The following CD300C variants were observed in gnomAD, a reference collection of about 807,000 sequenced individuals.
CD300C encodes CMRF35-like molecule 6.
CD300C carries 11 observed loss-of-function variants against 18.4 expected under a neutral mutation model. The ratio of observed to expected loss-of-function variants is 0.60; its 90% CI spans 0.38 to 0.99. CD300C has a LOEUF of 0.99. Ranked by LOEUF, CD300C falls within the 50% of genes least tolerant of loss-of-function variation. The pLI, the probability that CD300C is intolerant of heterozygous loss-of-function variation, is 0.01. For missense variants in CD300C, 277 were observed against 287.4 expected (o/e 0.96, Z 0.26); for synonymous variants, 116 against 116.3 (o/e 1.00, Z 0.02).
downstream of CD300C, among the ~76,000 whole-genome samples, chr17:74,536,212 C>G (rs1349394816): frequency 6.6e-6 from 1 of 151,882 alleles, no homozygotes; most frequent in African/African-American, 2.4e-5. Context: ...AAGTGAAAAT[C>G]CTGTTTCTCA....
downstream of CD300C, among the ~76,000 whole-genome samples, chr17:74,537,922 C>T (rs898886530): frequency 2.6e-5 from 4 of 152,036 alleles, no homozygotes; most frequent in African/African-American, 9.7e-5. Context: ...TAAGACCCAT[C>T]TCTATAAAAA....
chr17:74,539,424 G>A (rs1908474857), downstream of CD300C, among the ~76,000 whole-genome samples: 1 of 152,112 alleles, frequency 6.6e-6, no homozygotes, highest in Non-Finnish European at 1.5e-5. Flanking sequence ...GCAGTAGCTG[G>A]CCCTGCCACG....
intron 2 of CD300C, 125 bp from the exon 3 acceptor site, chr17:74,543,112 A>T: frequency 7.5e-6 from 10 of 1,334,688 alleles, no homozygotes; most frequent in South Asian, 2.4e-5. Context: ...CCCTGCATCC[A>T]TCATGCCCCA....
In CD300C at chr17:74,541,467, G is replaced by A. The variant is rs1908543553; in HGVS notation, c.*122C>T. 3 of 725,642 alleles carry A rather than the reference G, an allele frequency of 4.1e-6. No homozygotes were observed. Among genetic ancestry groups the A allele is most frequent in the East Asian group, 5.0e-5 (2 of 40,344 alleles). 45.0% of individuals were successfully genotyped at this position (725,642 alleles called of 1,614,324 possible). On this transcript the variant is annotated 3_prime_UTR_variant, in exon 4 of 4. Transcript: ENST00000330793. ...GATCGGGCACAGGGAAAAGGCTGAA[G>A]GAGGCTCACAAAGGATTCCAGGAGA... is the stretch of plus-strand genomic sequence containing the variant.
chr17:74,545,892 C>A lies in CD300C; in HGVS notation c.-110G>T, dbSNP rs929687167. 4 of 920,454 alleles carry A rather than the reference C, an allele frequency of 4.3e-6. No homozygotes were observed. In the Admixed American group the frequency reaches 6.1e-5, roughly 14 times the overall value. The allele number at this position is 920,454 out of a possible 1,614,324, so 57.0% of individuals were successfully genotyped here. A position where few individuals can be genotyped will look rare whatever the true frequency, so the allele number is the denominator to read the frequency against. ...GCTTCTGCTTTTCTTCTGCTCTCTG[C>A]TTCCTTGTCCAGCCCTGTCTCAGGT... On this transcript the variant is annotated 5_prime_UTR_variant, in exon 1 of 4. Transcript: ENST00000330793.
rs755828341 is a variant in CD300C, at chr17:74,544,918, C to T, written c.91G>A (p.Val31Met). 8 of 1,613,298 alleles carry T rather than the reference C, an allele frequency of 5.0e-6. No homozygotes were observed. The highest frequency in any genetic ancestry group is 3.3e-5 in the Admixed American group (2 of 59,996). ...AGGGATCCCCCCACGGGGCCCGCCA[C>T]GGTCATGGGGTGGCTCAGAGGAAAA... ...GYFPLSHPMTVAGPVGGSLSV... is the reference protein window; with the variant it reads ...GYFPLSHPMTMAGPVGGSLSV... The change falls in exon 2 of 4, where the codon GTG becomes ATG. Residue 31 changes from valine (V) to methionine (M), a missense_variant. Val to Met is a conservative substitution (Grantham distance 21). Coordinates refer to ENST00000330793, the MANE Select transcript of CD300C (RefSeq NM_006678.5).
Position 74,544,805 on chromosome 17 carries a change from A to C in CD300C, c.204T>G (p.Ile68Met). ...RPPQILRCDK[I>M]VETKGSAGKR... is the part of the protein sequence containing the mutation. ...TCCCTGCTGACCCTTTGGTCTCCAC[A>C]ATCTTGTCACATCGGAGAATCTGTG... is the stretch of plus-strand genomic sequence containing the variant. Residue 68 changes from isoleucine to methionine, a missense_variant, in exon 2 of 4, where the codon ATT becomes ATG. Ile to Met is a conservative substitution (Grantham distance 10). Coordinates refer to ENST00000330793, the MANE Select transcript of CD300C (RefSeq NM_006678.5). The C allele has an allele frequency of 6.2e-7, 1 of 1,614,204 alleles. No homozygotes were observed. Among genetic ancestry groups the C allele is most frequent in the Admixed American group, 1.7e-5 (1 of 60,028 alleles).
At position 74,544,768 on chromosome 17, in the gene CD300C, G is replaced by T. The variant is rs201817334; in HGVS notation, c.241C>A (p.Arg81=). ...GCAGGACTGTCCCTGATGGACACTC[G>T]GCCATTCCTTTTCCCTGCTGACCCT... ...TKGSAGKRNG[R]VSIRDSPANL... The change falls in exon 2 of 4, where the codon CGA becomes AGA. Residue 81 remains arginine (R), a synonymous_variant. Coordinates refer to ENST00000330793, the MANE Select transcript of CD300C (RefSeq NM_006678.5). 1.2e-6 allele frequency: 2 copies of T among 1,614,194 alleles called. No homozygotes were observed. Among genetic ancestry groups the T allele is most frequent in the South Asian group, 2.2e-5 (2 of 91,074 alleles).
chr17:74,545,738 G>A lies in CD300C; in HGVS notation c.45C>T (p.Leu15=). Residue 15 remains leucine, a synonymous_variant, in exon 1 of 4, where the codon CTC becomes CTT. Transcript: ENST00000330793. ...CCCACTCACCTGGGACAAGCAGGAG[G>A]AGCAGAGCTGAAGACCGCCACGAGG... ...AWASWRSSAL[L]LLLVPGYFPL... is the part of the protein sequence containing the mutation. The A allele has an allele frequency of 1.2e-6, 2 of 1,609,388 alleles. No homozygotes were observed. Among genetic ancestry groups the A allele is most frequent in the South Asian group, 1.1e-5 (1 of 90,114 alleles).
chr17:74,538,497 CAAG>C (rs1018110424), downstream of CD300C, among the ~76,000 whole-genome samples: 1 of 152,224 alleles, frequency 6.6e-6, no homozygotes, highest in Non-Finnish European at 1.5e-5. Flanking sequence ...GCACAAAAAT[CAAG>C]AACTAACCTG....
intron 3 of CD300C, among the ~76,000 whole-genome samples, chr17:74,542,434 GC>G (rs1908585083): frequency 6.6e-6 from 1 of 152,116 alleles, no homozygotes; most frequent in South Asian, 2.1e-4. Context: ...ACCCCAGAGT[GC>G]CCAGCCCCCA....
intron 2 of CD300C, among the ~76,000 whole-genome samples, chr17:74,544,099 C>T (rs1908659772): frequency 6.6e-6 from 1 of 152,180 alleles, no homozygotes. Flanking sequence ...GACAGGGCGG[C>T]ATCCATGCAG....
chr17:74,537,214 A>G (rs1316069961), downstream of CD300C, among the ~76,000 whole-genome samples: 1 of 152,192 alleles, frequency 6.6e-6, no homozygotes, highest in Non-Finnish European at 1.5e-5. Context: ...CACAAAAAAG[A>G]GAAAGAAAAG....
Position 74,544,623 on chromosome 17 carries a change from A to T in CD300C, c.386T>A (p.Val129Glu), listed in dbSNP as rs547924214. 2.2e-5 allele frequency: 35 copies of T among 1,609,976 alleles called. 1 individual carries two copies. The highest frequency in any genetic ancestry group is 2.0e-4 in the African/African-American group (15 of 74,982). The change falls in exon 2 of 4, where the codon GTG becomes GAG. Residue 129 changes from valine (V) to glutamate (E), a missense_variant. Coordinates refer to ENST00000330793, the MANE Select transcript of CD300C (RefSeq NM_006678.5). ...GAGGGGCTCACCCGGGAACACGGAC[A>T]CCTCAACCTCGACAATGGGATCATG... ...DFHDPIVEVE[V>E]SVFPAGTTTA...
chr17:74,543,618 C>T (rs1383136561), intron 2 of CD300C, among the ~76,000 whole-genome samples: 7 of 152,130 alleles, frequency 4.6e-5, no homozygotes, highest in South Asian at 2.1e-4. Context: ...CAGGTGGGAT[C>T]TTAGCTCCTC....
At position 74,545,895 on chromosome 17, in the gene CD300C, C is replaced by T. The variant is rs752732743; in HGVS notation, c.-113G>A. 64 of 894,230 alleles carry T rather than the reference C, an allele frequency of 7.2e-5. No homozygotes were observed. Among genetic ancestry groups the T allele is most frequent in the Non-Finnish European group, 1.1e-4 (60 of 568,634 alleles). 55.4% of individuals were successfully genotyped at this position (894,230 alleles called of 1,614,324 possible). A position where few individuals can be genotyped will look rare whatever the true frequency, so the allele number is the denominator to read the frequency against. Reference sequence around the variant, plus strand: ...TCTGCTTTTCTTCTGCTCTCTGCTTCCTTGTCCAGCCCTGTCTCAGGTCTG... The same window carrying T: ...TCTGCTTTTCTTCTGCTCTCTGCTTTCTTGTCCAGCCCTGTCTCAGGTCTG... On this transcript the variant is annotated 5_prime_UTR_variant, in exon 1 of 4. Coordinates refer to ENST00000330793, the MANE Select transcript of CD300C (RefSeq NM_006678.5).
downstream of CD300C, among the ~76,000 whole-genome samples, chr17:74,539,482 C>A (rs1408994849): frequency 6.6e-6 from 1 of 152,142 alleles, no homozygotes; most frequent in Non-Finnish European, 1.5e-5. Flanking sequence ...CCCTTTCATT[C>A]TCCCCACAAT....
chr17:74,541,677 A>G lies in CD300C; in HGVS notation c.587T>C (p.Leu196Pro). 6.2e-7 allele frequency: 1 copy of G among 1,613,596 alleles called. No individual in the cohort carries two copies. Among genetic ancestry groups the G allele is most frequent in the Non-Finnish European group, 8.5e-7 (1 of 1,179,522 alleles). ...CCAGAGGACGGCACCCAGCATGCTC[A>G]GGAGCAGGGGCAGCTCCAAGAGGAC... ...LLVLLELPLL[L>P]SMLGAVLWVN... The change falls in exon 4 of 4, where the codon CTG becomes CCG. Residue 196 changes from leucine (L) to proline (P), a missense_variant. Transcript: ENST00000330793.
At chr17:74,541,846 T>A in intron 3 of CD300C, 110 bp from the exon 4 acceptor site, 5 of 1,193,472 alleles carry the variant, frequency 4.2e-6, no homozygotes, top group Non-Finnish European at 3.5e-6. Context: ...GCCAACCACA[T>A]AAGCACCCCC....
Sources: allele counts gnomAD v4.1 joint callset (sites outside exome capture counted in the v4.1 genomes callset), GRCh38; gene constraint gnomAD v4.1.1; transcripts MANE v1.5; gene names NCBI Gene and HGNC (gene_info 2026-07-23, HGNC 2026-07-21).